Variants in EFCAB8 observed in about 807,000 individuals in gnomAD.
EFCAB8 encodes EF-hand calcium-binding domain-containing protein 8.
Under a neutral mutation model 116.3 loss-of-function variants are expected in EFCAB8, and 100 were observed. The observed-to-expected ratio is 0.86, with a 90% CI of 0.73 to 1.02. EFCAB8 has a LOEUF of 1.02. EFCAB8 is among the 50% of genes least tolerant of loss of function. The pLI is 0.00. For missense variants in EFCAB8, 1,320 were observed against 1,416.9 expected (o/e 0.93, Z 1.10); for synonymous variants, 558 against 567.9 (o/e 0.98, Z 0.25).
intron 22 of EFCAB8, among the ~76,000 whole-genome samples, chr20:32,940,492 A>G (rs2146288507): frequency 1.3e-5 from 2 of 149,918 alleles, no homozygotes; most frequent in Admixed American, 1.3e-4. Flanking sequence ...AGAAGAAAAT[A>G]AATGGAAAAT....
chr20:32,959,614 A>G (rs1239879403), intron 24 of EFCAB8, among the ~76,000 whole-genome samples, 164 bp from the exon 25 acceptor site: 1 of 152,166 alleles, frequency 6.6e-6, no homozygotes, highest in Non-Finnish European at 1.5e-5. Flanking sequence ...GCAAATGTTA[A>G]TTCCATACTT....
rs76561249 is a variant in EFCAB8 at position 32,955,727 on chromosome 20, C to T, written c.2960-2694C>T. Among the ~76,000 whole-genome samples the T allele has an allele frequency of 3.3e-3, 495 of 152,158 alleles. 1 individual carries two copies. Among genetic ancestry groups the T allele is most frequent in the African/African-American group, 0.011 (477 of 41,516 alleles). Reference sequence around the variant, plus strand: ...TATATCTTCTGTTCCACGTCCTGAGCGAGGGTATAGGTGGCCTCCAACCCA... The same window carrying T: ...TATATCTTCTGTTCCACGTCCTGAGTGAGGGTATAGGTGGCCTCCAACCCA... On this transcript the variant is annotated intron_variant, in intron 23 of 26. Coordinates refer to ENST00000400522, the MANE Select transcript of EFCAB8 (RefSeq NM_001143967.2).
chr20:32,873,431 G>T (rs1984788315), intron 3 of EFCAB8, among the ~76,000 whole-genome samples: 1 of 151,954 alleles, frequency 6.6e-6, no homozygotes, highest in Non-Finnish European at 1.5e-5. Flanking sequence ...GTAGACAGGG[G>T]TTATTGACCC....
intron 11 of EFCAB8, among the ~76,000 whole-genome samples, chr20:32,899,440 A>T (rs1183963214): frequency 1.3e-5 from 2 of 151,524 alleles, no homozygotes; most frequent in African/African-American, 4.8e-5. Context: ...AATTAATCAC[A>T]CAAGTATGTA....
chr20:32,863,774 C>T lies in EFCAB8; in HGVS notation c.-10-9C>T, dbSNP rs1050867898. ...CTGGAGTTAAGTTGACTATGATTCCCTATTCTAGGTCAAGGCTAATGTCTT... is the reference window on the plus strand; with the variant it reads ...CTGGAGTTAAGTTGACTATGATTCCTTATTCTAGGTCAAGGCTAATGTCTT... On this transcript the variant is annotated splice_polypyrimidine_tract_variant and intron_variant, in intron 1 of 26. Transcript: ENST00000400522. 1 of 1,550,314 alleles carries T rather than the reference C, an allele frequency of 6.5e-7. No homozygotes were observed. The highest frequency in any genetic ancestry group is 1.2e-5 in the South Asian group (1 of 83,854).
chr20:32,930,272 C>A, intron 20 of EFCAB8, 126 bp from the exon 21 acceptor site: 2 of 746,368 alleles, frequency 2.7e-6, no homozygotes, highest in Non-Finnish European at 4.3e-6. Flanking sequence ...GGACCACCAT[C>A]ACCACTTTCA....
At chr20:32,861,318 C>T (rs961670184) in intron 1 of EFCAB8, among the ~76,000 whole-genome samples, 2 of 151,940 alleles carry the variant, frequency 1.3e-5, no homozygotes, top group Non-Finnish European at 2.9e-5. Context: ...GACGGAGTTG[C>T]GTTCTTGTTG....
intron 6 of EFCAB8, among the ~76,000 whole-genome samples, chr20:32,886,394 A>G (rs536068633): frequency 1.3e-5 from 2 of 152,266 alleles, no homozygotes; most frequent in African/African-American, 2.4e-5. Flanking sequence ...GCCGTCCAGA[A>G]TCCTCCAGCA....
intron 24 of EFCAB8, 120 bp from the exon 25 acceptor site, chr20:32,959,658 G>C: frequency 1.4e-6 from 1 of 727,750 alleles, no homozygotes; most frequent in African/African-American, 1.8e-5. Flanking sequence ...TCTGGCCTGA[G>C]GGAGGGATGG....
At chr20:32,864,290 A>G (rs549236863) in intron 2 of EFCAB8, among the ~76,000 whole-genome samples, 1 of 150,212 alleles carries the variant, frequency 6.7e-6, no homozygotes, top group South Asian at 2.2e-4. Context: ...GTACTTTTAA[A>G]GGGCTGCCTG....
chr20:32,874,396 A>G (rs1984844396), intron 3 of EFCAB8, among the ~76,000 whole-genome samples: 2 of 150,380 alleles, frequency 1.3e-5, no homozygotes, highest in African/African-American at 4.9e-5. Context: ...CTAATTTAAA[A>G]AATTTTTTTT....
intron 8 of EFCAB8, among the ~76,000 whole-genome samples, chr20:32,892,632 A>G (rs1985972478): frequency 6.6e-6 from 1 of 152,098 alleles, no homozygotes; most frequent in Non-Finnish European, 1.5e-5. Flanking sequence ...CAGCTGGAGG[A>G]CTAGGGATTC....
chr20:32,959,312 G>A (rs7262808), intron 24 of EFCAB8, among the ~76,000 whole-genome samples: 11,076 of 152,198 alleles, frequency 0.073, 617 homozygotes, highest in African/African-American at 0.15. Context: ...GGAAGGCTTC[G>A]TAGGAGAGGT....
At chr20:32,874,695 C>G (rs922836785) in intron 3 of EFCAB8, among the ~76,000 whole-genome samples, 38 of 152,192 alleles carry the variant, frequency 2.5e-4, no homozygotes, top group African/African-American at 9.1e-4. Flanking sequence ...GCACACGCCA[C>G]CAAACATGGC....
chr20:32,956,485 T>A (rs1988967580), intron 23 of EFCAB8, among the ~76,000 whole-genome samples: 1 of 152,134 alleles, frequency 6.6e-6, no homozygotes, highest in Non-Finnish European at 1.5e-5. Context: ...TCTGATCAAA[T>A]TTTCAGATCA....
intron 22 of EFCAB8, among the ~76,000 whole-genome samples, chr20:32,940,310 A>G (rs1988365823): frequency 1.3e-5 from 2 of 149,334 alleles, no homozygotes; most frequent in African/African-American, 5.0e-5. Flanking sequence ...ATGCTGAGAC[A>G]ATCAAATGGG....
chr20:32,884,144 A>C (rs1468097377), intron 5 of EFCAB8, among the ~76,000 whole-genome samples: 1 of 152,228 alleles, frequency 6.6e-6, no homozygotes, highest in East Asian at 1.9e-4. Context: ...TGTTCAACCT[A>C]CAAACCCGGA....
intron 5 of EFCAB8, among the ~76,000 whole-genome samples, chr20:32,880,005 C>T (rs35271121): frequency 0.38 from 57,000 of 151,986 alleles, 12,794 homozygotes; most frequent in Middle Eastern, 0.52. Flanking sequence ...CTGGGCTGCC[C>T]GGGTCACTGG....
At position 32,928,893 on chromosome 20, in the gene EFCAB8, A is replaced by AT. The variant is rs200356823; in HGVS notation, c.2413-1493dup. On this transcript the variant is annotated intron_variant, in intron 20 of 26. Transcript: ENST00000400522. ...GTTTAGGTAATGTCCTTCTATTCCT[A>AT]TTTTTTTTTTTTAATTTTGTCAAAT... 1.1e-3 allele frequency among the ~76,000 whole-genome samples: 152 copies of AT among 136,146 alleles called. 1 individual carries two copies. The Middle Eastern group carries it at 0.012, about 11-fold the overall frequency. The allele number at this position is 136,146 out of a possible 152,430, so 89.3% of individuals were successfully genotyped here. A position where few individuals can be genotyped will look rare whatever the true frequency, so the allele number is the denominator to read the frequency against.
Sources: allele counts gnomAD v4.1 joint callset (sites outside exome capture counted in the v4.1 genomes callset), GRCh38; gene constraint gnomAD v4.1.1; transcripts MANE v1.5; gene names NCBI Gene and HGNC (gene_info 2026-07-23, HGNC 2026-07-21).